The following MBNL2 variants were observed in gnomAD, a reference collection of about 807,000 sequenced individuals.
MBNL2 encodes muscleblind-like protein 2.
MBNL2 carries 17 observed loss-of-function variants against 41.9 expected under a neutral mutation model. The observed-to-expected ratio is 0.41, with a 90% CI of 0.28 to 0.61. The LOEUF is 0.61. MBNL2 is among the 20% of genes least tolerant of loss of function. The pLI is 0.35. For missense variants in MBNL2, 336 were observed against 505.6 expected, an observed-to-expected ratio of 0.66 and a Z score of 3.22; for synonymous variants, 195 against 182.9, an observed-to-expected ratio of 1.07 and a Z score of -0.53.
the MBNL2 span, among the ~76,000 whole-genome samples, chr13:97,160,610 G>A: frequency 6.6e-6 from 1 of 152,006 alleles, no homozygotes; most frequent in Non-Finnish European, 1.5e-5. Flanking sequence ...AGGCAGGGAA[G>A]CCCATAAATT....
chr13:97,339,444 C>G (rs2061241882), intron 3 of MBNL2, among the ~76,000 whole-genome samples: 1 of 152,034 alleles, frequency 6.6e-6, no homozygotes, highest in African/African-American at 2.4e-5. Flanking sequence ...GAAGGCTTCC[C>G]GCGAATCTTG....
At chr13:97,386,534 T>C (rs1193390707) in intron 8 of MBNL2, among the ~76,000 whole-genome samples, 1 of 152,238 alleles carries the variant, frequency 6.6e-6, no homozygotes, top group Non-Finnish European at 1.5e-5. Context: ...AGGCTTAGTA[T>C]TAGACAGTAC....
At chr13:97,342,227 A>G (rs2061498606) in intron 3 of MBNL2, among the ~76,000 whole-genome samples, 2 of 152,210 alleles carry the variant, frequency 1.3e-5, no homozygotes, top group South Asian at 4.1e-4. Flanking sequence ...TCAACCCACT[A>G]GCATATTTCT....
At chr13:97,369,175 C>A (rs1162002565) in intron 8 of MBNL2, among the ~76,000 whole-genome samples, 1 of 152,128 alleles carries the variant, frequency 6.6e-6, no homozygotes, top group Non-Finnish European at 1.5e-5. Context: ...TTTTAGCATC[C>A]AGTCATAGGA....
At chr13:97,380,150 A>G (rs1195630220) in intron 8 of MBNL2, among the ~76,000 whole-genome samples, 1 of 152,222 alleles carries the variant, frequency 6.6e-6, no homozygotes, top group Non-Finnish European at 1.5e-5. Context: ...AAATGAAACC[A>G]TGTCTGTGGC....
chr13:97,216,096 A>G, the MBNL2 span, among the ~76,000 whole-genome samples: 2 of 152,336 alleles, frequency 1.3e-5, no homozygotes, highest in South Asian at 4.1e-4. Context: ...GACCTACTGG[A>G]GAAAAATTAA....
At chr13:97,153,773 G>T in the MBNL2 span, among the ~76,000 whole-genome samples, 1 of 152,082 alleles carries the variant, frequency 6.6e-6, no homozygotes, top group East Asian at 1.9e-4. Context: ...AAGGGGGAGA[G>T]AACAAAGTAG....
chr13:97,225,625 A>T (rs1261318414), intron 1 of MBNL2, among the ~76,000 whole-genome samples: 1 of 152,050 alleles, frequency 6.6e-6, no homozygotes, highest in Non-Finnish European at 1.5e-5. Flanking sequence ...ATAAAAAGGT[A>T]GGGAGGTGTG....
At chr13:97,218,328 T>C (rs1478600491), upstream of MBNL2, among the ~76,000 whole-genome samples, 3 of 151,292 alleles carry the variant, frequency 2.0e-5, no homozygotes. Flanking sequence ...GAGAATGGCG[T>C]GAACCCGGGA....
chr13:97,156,253 T>C, the MBNL2 span, among the ~76,000 whole-genome samples: 3 of 132,176 alleles, frequency 2.3e-5, no homozygotes, highest in East Asian at 4.7e-4. Flanking sequence ...TGTTTGTTTT[T>C]TTCTTGTAAA....
At chr13:97,324,632 C>T (rs761681567) in intron 2 of MBNL2, among the ~76,000 whole-genome samples, 2 of 152,146 alleles carry the variant, frequency 1.3e-5, no homozygotes, top group South Asian at 2.1e-4. Flanking sequence ...TCGACTCACA[C>T]GATCACAAGG....
chr13:97,376,069 G>C (rs542641471), intron 8 of MBNL2, among the ~76,000 whole-genome samples: 1 of 152,164 alleles, frequency 6.6e-6, no homozygotes, highest in African/African-American at 2.4e-5. Context: ...AAAGTGAATG[G>C]GTAGAGGTGT....
chr13:97,291,383 A>T (rs1013095187), intron 2 of MBNL2, among the ~76,000 whole-genome samples: 1 of 152,044 alleles, frequency 6.6e-6, no homozygotes, highest in Admixed American at 6.5e-5. Context: ...TTGGGACTAC[A>T]GGCATGTGCC....
At chr13:97,345,994 A>G (rs1423864829) in intron 4 of MBNL2, among the ~76,000 whole-genome samples, 1 of 152,160 alleles carries the variant, frequency 6.6e-6, no homozygotes, top group African/African-American at 2.4e-5. Context: ...TAGGTAGGTA[A>G]GCAGGTATAT....
At position 97,366,015 on chromosome 13, in the gene MBNL2, C is replaced by T. The variant is rs2063815043; in HGVS notation, c.1048+844C>T. Among the ~76,000 whole-genome samples the T allele has an allele frequency of 6.6e-6, 1 of 151,944 alleles. No homozygotes were observed. Among genetic ancestry groups the T allele is most frequent in the African/African-American group, 2.4e-5 (1 of 41,342 alleles). On this transcript the variant is annotated intron_variant, in intron 8 of 8. Coordinates refer to ENST00000679496, the MANE Select transcript of MBNL2 (RefSeq NM_001382683.1). The surrounding 1 kb of genome is among the most constrained non-coding windows in gnomAD (Gnocchi z 4.7). ...CCATAATTCCAAAGAACATCCTATC[C>T]CAAATTAGGTCTCCATATGGAGACT...
chr13:97,350,506 G>C (rs2062347908), intron 5 of MBNL2, among the ~76,000 whole-genome samples: 1 of 152,200 alleles, frequency 6.6e-6, no homozygotes, highest in African/African-American at 2.4e-5. Flanking sequence ...ATTTTGCTCA[G>C]AGTAGAACTT....
At chr13:97,313,699 G>A (rs963778881) in intron 2 of MBNL2, among the ~76,000 whole-genome samples, 2 of 152,300 alleles carry the variant, frequency 1.3e-5, no homozygotes, top group East Asian at 3.9e-4. Context: ...ATTCCCAGCT[G>A]TCTGGATTTT....
At chr13:97,172,229 G>C in the MBNL2 span, among the ~76,000 whole-genome samples, 1 of 152,160 alleles carries the variant, frequency 6.6e-6, no homozygotes, top group African/African-American at 2.4e-5. Flanking sequence ...ACTGAGTCCT[G>C]TGTGTGGACT....
At chr13:97,167,049 G>A in the MBNL2 span, among the ~76,000 whole-genome samples, 2 of 152,132 alleles carry the variant, frequency 1.3e-5, no homozygotes, top group Non-Finnish European at 2.9e-5. Context: ...TGAGAAAAGG[G>A]AAATGCCTTG....
Sources: gnomAD v4.1 joint callset for allele counts (sites outside exome capture counted in the v4.1 genomes callset) on GRCh38, gnomAD v4.1.1 for gene constraint, Gnocchi (gnomAD v3.1) non-coding constraint, MANE v1.5 for transcripts, NCBI Gene and HGNC (gene_info 2026-07-23, HGNC 2026-07-21) for gene names.